The following TLL1 variants were observed in gnomAD, a reference collection of about 807,000 sequenced individuals.
TLL1 encodes the protein tolloid like 1.
A neutral mutation model predicts 128.2 loss-of-function variants in TLL1; 49 were observed. The observed-to-expected ratio is 0.38, with a 90% confidence interval of 0.30 to 0.48. The LOEUF is 0.48. Ranked by LOEUF, TLL1 falls within the 20% of genes least tolerant of loss-of-function variation. TLL1 has a pLI of 0.96. For missense variants in TLL1, 1,123 were observed against 1,242.0 expected (o/e 0.90, Z 1.44); for synonymous variants, 454 against 418.8 (o/e 1.08, Z -1.03).
At chr4:165,932,715 T>C (rs1733587752) in intron 1 of TLL1, among the ~76,000 whole-genome samples, 1 of 152,264 alleles carries the variant, frequency 6.6e-6, no homozygotes, top group Non-Finnish European at 1.5e-5. Context: ...CAGAAAAGTG[T>C]TTAAAACATC....
intron 5 of TLL1, among the ~76,000 whole-genome samples, chr4:165,998,160 A>G (rs561061801): frequency 2.0e-5 from 3 of 152,220 alleles, no homozygotes; most frequent in Non-Finnish European, 4.4e-5. Context: ...AGTGGCATTT[A>G]TTTATTTTGC....
chr4:166,100,865 A>G lies in TLL1; in HGVS notation c.3031A>G (p.Thr1011Ala), dbSNP rs375708013. 3.1e-6 allele frequency: 5 copies of G among 1,612,464 alleles called. No homozygotes were observed. In the African/African-American group the frequency reaches 5.3e-5, roughly 17 times the overall value. Residue 1011 changes from threonine (T) to alanine (A), a missense_variant, in exon 21 of 21, where the codon ACC becomes GCC. Physicochemically the swap from Thr to Ala is moderately conservative, Grantham distance 58. This residue lies in a region of TLL1 where 634 missense variants were observed against 672.4 expected (regional missense o/e 0.94). Transcript: ENST00000061240. ...CATAAGATATCCAGATACCACACAT[A>G]CCAAAAAATAACACCAAAACCTCTG... Reference protein sequence around the residue: ...KSIRYPDTTHTKK With the variant: ...KSIRYPDTTHAKK
At chr4:165,954,881 G>C (rs76250504) in intron 1 of TLL1, among the ~76,000 whole-genome samples, 1 of 151,978 alleles carries the variant, frequency 6.6e-6, no homozygotes, top group Non-Finnish European at 1.5e-5. Flanking sequence ...AAGAATTCTG[G>C]CAATGGCAAT....
In TLL1 at chr4:166,101,443, T is replaced by C. The variant is rs1470864615; in HGVS notation, c.*567T>C. Reference sequence around the variant, plus strand: ...GGAAACTGGGATATTTCAGCTTCATTATTTCCACTTGCAGGCCAGCTTAAC... The same window carrying C: ...GGAAACTGGGATATTTCAGCTTCATCATTTCCACTTGCAGGCCAGCTTAAC... On this transcript the variant is annotated 3_prime_UTR_variant, in exon 21 of 21. Transcript: ENST00000061240. 1.3e-5 allele frequency: 2 copies of C among 155,518 alleles called. No individual in the cohort carries two copies. Among genetic ancestry groups the C allele is most frequent in the African/African-American group, 4.8e-5 (2 of 41,446 alleles). 9.6% of individuals were successfully genotyped at this position (155,518 alleles called of 1,614,324 possible).
At chr4:165,923,865 T>G (rs1426210106) in intron 1 of TLL1, among the ~76,000 whole-genome samples, 2 of 152,238 alleles carry the variant, frequency 1.3e-5, no homozygotes, top group Non-Finnish European at 2.9e-5. Flanking sequence ...GCTTCATGTC[T>G]CTGTGTCACA....
intron 19 of TLL1, among the ~76,000 whole-genome samples, chr4:166,097,634 T>C (rs558791079): frequency 6.6e-6 from 1 of 152,262 alleles, no homozygotes; most frequent in East Asian, 1.9e-4. Context: ...AATTCAGAAA[T>C]ATTTTGTTAT....
Position 165,982,886 on chromosome 4 carries a change from G to A in TLL1, c.170-6495G>A, listed in dbSNP as rs866185534. 1.8e-4 allele frequency among the ~76,000 whole-genome samples: 28 copies of A among 151,654 alleles called. 1 individual carries two copies. Among genetic ancestry groups the A allele is most frequent in the Admixed American group, 1.7e-3 (26 of 15,174 alleles). On this transcript the variant is annotated intron_variant, in intron 1 of 20. Coordinates refer to ENST00000061240, the MANE Select transcript of TLL1 (RefSeq NM_012464.5). Reference sequence around the variant, plus strand: ...GTTGACTCCCACCCTGGCCACAAACGTAAACAATTACAGGCATAAGGGAAG... The same window carrying A: ...GTTGACTCCCACCCTGGCCACAAACATAAACAATTACAGGCATAAGGGAAG...
chr4:165,992,027 G>T (rs1289577714), intron 2 of TLL1, among the ~76,000 whole-genome samples: 1 of 151,958 alleles, frequency 6.6e-6, no homozygotes, highest in Admixed American at 6.6e-5. Flanking sequence ...ATTGCCAAAT[G>T]CTATGCTTTC....
chr4:165,966,065 G>A (rs1448731738), intron 1 of TLL1, among the ~76,000 whole-genome samples: 2 of 151,586 alleles, frequency 1.3e-5, no homozygotes, highest in Non-Finnish European at 2.9e-5. Context: ...TGTAATCCCA[G>A]CTACTTGGGA....
In TLL1 at chr4:165,874,010, A is replaced by C. The variant is rs1304926037; in HGVS notation, c.106A>C (p.Thr36Pro). 5 of 1,613,932 alleles carry C rather than the reference A, an allele frequency of 3.1e-6. No homozygotes were observed. The highest frequency in any genetic ancestry group is 2.2e-5 in the East Asian group (1 of 44,848). ...CTGCGCTGGCCTCGATTATGATTAC[A>C]CTTTTGATGGGAACGAAGAGGATAA... is the stretch of plus-strand genomic sequence containing the variant. ...WVCAGLDYDY[T>P]FDGNEEDKTE... The change falls in exon 1 of 21, where the codon ACT (threonine) becomes CCT (proline). Residue 36 changes from threonine to proline, a missense_variant. Physicochemically the swap from Thr to Pro is conservative, Grantham distance 38. Around this residue, in one of 3 missense-constraint regions of TLL1, gnomAD observed 480 missense variants for 542.4 expected, o/e 0.89. Transcript: ENST00000061240.
intron 1 of TLL1, among the ~76,000 whole-genome samples, chr4:165,874,441 C>CA (rs1316874008): frequency 7.9e-5 from 12 of 152,174 alleles, no homozygotes; most frequent in Non-Finnish European, 1.5e-4. Flanking sequence ...ATGGAAGGGA[C>CA]ACCGTCTTCT....
In TLL1 at chr4:166,025,367, T is replaced by C; in HGVS notation, c.1094T>C (p.Phe365Ser). Residue 365 changes from phenylalanine to serine, a missense_variant, in exon 9 of 21, where the codon TTT becomes TCT. Transcript: ENST00000061240. ...ESNGNLSSPG[F>S]PNGYPSYTHC... Reference sequence around the variant, plus strand: ...AATGGCAACCTTTCCTCTCCAGGATTTCCCAATGGCTACCCTTCTTACACA... The same window carrying C: ...AATGGCAACCTTTCCTCTCCAGGATCTCCCAATGGCTACCCTTCTTACACA... The C allele has an allele frequency of 6.2e-7, 1 of 1,614,024 alleles. No individual in the cohort carries two copies. The highest frequency in any genetic ancestry group is 1.1e-5 in the South Asian group (1 of 91,084).
At chr4:165,916,749 CA>C (rs886153678) in intron 1 of TLL1, among the ~76,000 whole-genome samples, 2 of 151,994 alleles carry the variant, frequency 1.3e-5, no homozygotes, top group Admixed American at 1.3e-4. Context: ...AAATCATTGG[CA>C]GAATAAGATC....
intron 1 of TLL1, among the ~76,000 whole-genome samples, chr4:165,951,962 A>G (rs1013079286): frequency 1.3e-5 from 2 of 152,128 alleles, no homozygotes; most frequent in Non-Finnish European, 2.9e-5. Context: ...ACCATTCTTT[A>G]TGTGGCATTG....
intron 1 of TLL1, among the ~76,000 whole-genome samples, chr4:165,928,391 G>A (rs1389019109): frequency 6.6e-6 from 1 of 152,162 alleles, no homozygotes; most frequent in African/African-American, 2.4e-5. Context: ...GTAGAACAGG[G>A]TAGGAAAGCC....
At chr4:165,975,598 A>C (rs1269575898) in intron 1 of TLL1, among the ~76,000 whole-genome samples, 1 of 152,238 alleles carries the variant, frequency 6.6e-6, no homozygotes, top group Non-Finnish European at 1.5e-5. Flanking sequence ...AAATAAAAGA[A>C]AAAATATTAT....
rs1448423341 is a variant in TLL1, at chr4:165,995,062, C to A, written c.516C>A (p.Gly172=). The change falls in exon 5 of 21, where the codon GGC becomes GGA. Residue 172 remains glycine, a splice_region_variant and synonymous_variant. Transcript: ENST00000061240. ...IPYVIGGNFT[G]SQRAMFKQAM... ...ATTAACATCACACATTTTTTCTAGG[C>A]AGCCAGAGAGCCATGTTCAAGCAGG... 8 of 1,612,932 alleles carry A rather than the reference C, an allele frequency of 5.0e-6. No individual in the cohort carries two copies. The highest frequency in any genetic ancestry group is 2.2e-5 in the South Asian group (2 of 91,008).
chr4:165,944,433 G>C (rs7691872), intron 1 of TLL1, among the ~76,000 whole-genome samples: 1 of 152,020 alleles, frequency 6.6e-6, no homozygotes, highest in African/African-American at 2.4e-5. Context: ...TGTGTTCCTG[G>C]ACCTGAAGGA....
intron 17 of TLL1, among the ~76,000 whole-genome samples, chr4:166,076,837 A>T (rs1741052948): frequency 6.6e-6 from 1 of 152,082 alleles, no homozygotes; most frequent in Admixed American, 6.6e-5. Context: ...TTCTGTTGCA[A>T]ATACAAATCT....
Sources: allele counts gnomAD v4.1 joint callset (sites outside exome capture counted in the v4.1 genomes callset), GRCh38; gene constraint gnomAD v4.1.1; regional missense constraint gnomAD v4.1.1; transcripts MANE v1.5; gene names NCBI Gene and HGNC (gene_info 2026-07-23, HGNC 2026-07-21).